LRP12: variants seen among roughly 807,000 people sequenced by gnomAD.
LRP12 encodes LDL receptor related protein 12, also known as low-density lipoprotein receptor-related protein 12.
A neutral mutation model predicts 66.0 loss-of-function variants in LRP12; 14 were observed. The observed-to-expected ratio is 0.21, with a 90% confidence interval of 0.14 to 0.33. The LOEUF (loss-of-function observed/expected upper bound fraction) is 0.33, where lower values mean the gene tolerates loss of function less well. LRP12 is among the 10% of genes least tolerant of loss of function. LRP12 has a pLI of 1.00. For missense variants in LRP12, 889 were observed against 1,053.4 expected (o/e 0.84, Z 2.16); for synonymous variants, 357 against 359.1 (o/e 0.99, Z 0.07).
At chr8:104,574,653 T>C (rs1189164455) in intron 1 of LRP12, among the ~76,000 whole-genome samples, 2 of 152,182 alleles carry the variant, frequency 1.3e-5, no homozygotes, top group Admixed American at 6.6e-5. Flanking sequence ...GTTAGTTGAA[T>C]TGAGATGGGC....
chr8:104,501,800 G>T (rs370028661), intron 3 of LRP12, among the ~76,000 whole-genome samples: 2 of 151,578 alleles, frequency 1.3e-5, no homozygotes, highest in Non-Finnish European at 2.9e-5. Context: ...TTTCTTAATG[G>T]AACCTTTTAA....
chr8:104,527,897 G>A (rs1811265586), intron 2 of LRP12, among the ~76,000 whole-genome samples: 1 of 152,072 alleles, frequency 6.6e-6, no homozygotes, highest in South Asian at 2.1e-4. Flanking sequence ...CTGCTATTAA[G>A]TGATAAGTTC....
At chr8:104,522,516 C>T (rs1401932300) in intron 2 of LRP12, among the ~76,000 whole-genome samples, 5 of 152,050 alleles carry the variant, frequency 3.3e-5, no homozygotes, top group Admixed American at 6.6e-5. Context: ...ACAGAAATGT[C>T]AGATTTGCCT....
intron 2 of LRP12, among the ~76,000 whole-genome samples, chr8:104,520,682 T>C (rs747609931): frequency 1.1e-4 from 16 of 152,042 alleles, no homozygotes; most frequent in Non-Finnish European, 2.1e-4. Flanking sequence ...CAGTTTAATA[T>C]CAAATCACCC....
chr8:104,544,287 T>C (rs1192494531), intron 1 of LRP12, among the ~76,000 whole-genome samples: 8 of 152,110 alleles, frequency 5.3e-5, no homozygotes, highest in Non-Finnish European at 1.2e-4. Flanking sequence ...GTTCATGATG[T>C]TTAAGGACAG....
chr8:104,500,028 G>A (rs1588483526), intron 3 of LRP12, among the ~76,000 whole-genome samples: 1 of 152,278 alleles, frequency 6.6e-6, no homozygotes, highest in African/African-American at 2.4e-5. Flanking sequence ...AGGAACACAC[G>A]AAAAATGTTT....
chr8:104,581,465 A>G (rs909572553), intron 1 of LRP12, among the ~76,000 whole-genome samples: 20 of 152,194 alleles, frequency 1.3e-4, no homozygotes, highest in Non-Finnish European at 1.5e-4. Context: ...AATTGTGTAC[A>G]ACAAACCCCC....
At chr8:104,580,535 A>C (rs1454174497) in intron 1 of LRP12, among the ~76,000 whole-genome samples, 1 of 152,036 alleles carries the variant, frequency 6.6e-6, no homozygotes, top group Non-Finnish European at 1.5e-5. Flanking sequence ...GTTTCAAAAA[A>C]AAAACAAAAC....
intron 1 of LRP12, among the ~76,000 whole-genome samples, chr8:104,578,338 C>T (rs1354076061): frequency 6.6e-6 from 1 of 151,950 alleles, no homozygotes; most frequent in African/African-American, 2.4e-5. Flanking sequence ...TAAGACTAAA[C>T]CAGGAAAAAA....
rs536859113 is a variant in LRP12, at chr8:104,491,661, T to C, written c.1714-122A>G. The C allele has an allele frequency of 1.8e-4, 143 of 804,812 alleles. No individual in the cohort carries two copies. In the South Asian group the frequency reaches 2.9e-3, roughly 16 times the overall value. The allele number at this position is 804,812 out of a possible 1,614,324, so 49.9% of individuals were successfully genotyped here. ...AAAATTCTGTTACTCATTGTTGCTT[T>C]TGGGTCTAAGAAGGAAAAATTAAAT... On this transcript the variant is annotated intron_variant, in intron 6 of 6. Transcript: ENST00000276654.
chr8:104,579,164 T>A (rs1812209148), intron 1 of LRP12, among the ~76,000 whole-genome samples: 1 of 152,130 alleles, frequency 6.6e-6, no homozygotes, highest in Non-Finnish European at 1.5e-5. Flanking sequence ...AATGACATGA[T>A]CCTATATGTA....
At chr8:104,551,763 G>C (rs1213184223) in intron 1 of LRP12, among the ~76,000 whole-genome samples, 1 of 152,068 alleles carries the variant, frequency 6.6e-6, no homozygotes, top group Non-Finnish European at 1.5e-5. Flanking sequence ...CACACTAAAT[G>C]TTGACTACCT....
intron 1 of LRP12, among the ~76,000 whole-genome samples, chr8:104,584,551 GA>G (rs1256394516): frequency 1.3e-5 from 2 of 151,992 alleles, no homozygotes; most frequent in African/African-American, 2.4e-5. Flanking sequence ...TTCTTCAAAA[GA>G]AATTTTACTT....
At chr8:104,557,561 C>T (rs1811831047) in intron 1 of LRP12, among the ~76,000 whole-genome samples, 1 of 151,498 alleles carries the variant, frequency 6.6e-6, no homozygotes, top group African/African-American at 2.4e-5. Context: ...TATACCTAAC[C>T]AAGGAGGTGA....
At chr8:104,537,756 TGAAATCATATAAAA>T (rs1442692755) in intron 1 of LRP12, among the ~76,000 whole-genome samples, 1 of 151,968 alleles carries the variant, frequency 6.6e-6, no homozygotes, top group Non-Finnish European at 1.5e-5. Context: ...GTAAGGGAAA[TGAAATCATATAAAA>T]AAGACAAAAA....
chr8:104,581,295 C>T (rs1185953438), intron 1 of LRP12, among the ~76,000 whole-genome samples: 2 of 151,746 alleles, frequency 1.3e-5, no homozygotes, highest in Non-Finnish European at 2.9e-5. Context: ...CAGAAGGTGG[C>T]GGGTGGGACA....
chr8:104,588,291 G>A (rs1224218024), intron 1 of LRP12, among the ~76,000 whole-genome samples: 1 of 151,518 alleles, frequency 6.6e-6, no homozygotes, highest in South Asian at 2.1e-4. Context: ...CCTTGCCCCC[G>A]AGGTGGAGTG....
intron 2 of LRP12, among the ~76,000 whole-genome samples, chr8:104,527,041 C>G (rs1463916204): frequency 6.6e-6 from 1 of 150,848 alleles, no homozygotes; most frequent in Admixed American, 6.6e-5. Context: ...AGACACTTCT[C>G]AAAAGAAGAC....
At chr8:104,524,431 T>C (rs1811198707) in intron 2 of LRP12, among the ~76,000 whole-genome samples, 1 of 152,110 alleles carries the variant, frequency 6.6e-6, no homozygotes, top group South Asian at 2.1e-4. Flanking sequence ...CTAACCACCA[T>C]GTTGTTCAAG....
Sources: allele counts gnomAD v4.1 joint callset (sites outside exome capture counted in the v4.1 genomes callset), GRCh38; gene constraint gnomAD v4.1.1; transcripts MANE v1.5; gene names NCBI Gene and HGNC (gene_info 2026-07-23, HGNC 2026-07-21).